The following FLT4 variants were observed in gnomAD, a reference collection of about 807,000 sequenced individuals.
The protein encoded by FLT4 is fms related receptor tyrosine kinase 4.
Under a neutral mutation model 163.2 loss-of-function variants are expected in FLT4, and 30 were observed. The ratio of observed to expected loss-of-function variants is 0.18; its 90% confidence interval spans 0.14 to 0.25. The LOEUF (loss-of-function observed/expected upper bound fraction) is 0.25, where lower values mean the gene tolerates loss of function less well. Among genes scored for constraint, FLT4 ranks in the 10% least tolerant of loss-of-function variants. The probability of loss-of-function intolerance (pLI) is 1.00; values close to 1 mark genes in which losing one functional copy is unlikely to be tolerated. For synonymous variants in FLT4, 884 were observed against 789.5 expected, an observed-to-expected ratio of 1.12 and a Z score of -2.01; for missense variants, 1,510 against 1,863.8, an observed-to-expected ratio of 0.81 and a Z score of 3.50.
chr5:180,642,722 C>A (rs1765220381), intron 1 of FLT4, among the ~76,000 whole-genome samples: 1 of 152,200 alleles, frequency 6.6e-6, no homozygotes, highest in Non-Finnish European at 1.5e-5. Context: ...CACAACTGTG[C>A]ACCCGCCAGA....
intron 1 of FLT4, among the ~76,000 whole-genome samples, chr5:180,640,997 C>T (rs143633662): frequency 5.9e-5 from 9 of 152,120 alleles, no homozygotes; most frequent in Admixed American, 1.3e-4. Context: ...GTGAAGGGGC[C>T]GGCATGAGAG....
chr5:180,625,774 A>T (rs1763552790), intron 10 of FLT4, 95 bp downstream of exon 10: 14 of 1,156,130 alleles, frequency 1.2e-5, no homozygotes, highest in Non-Finnish European at 1.7e-5. Context: ...TACAGGGAAG[A>T]CCTGGGCAGT....
chr5:180,621,289 G>A (rs1179391229), intron 13 of FLT4, 37 bp from the exon 14 acceptor site: 2 of 1,592,480 alleles, frequency 1.3e-6, no homozygotes, highest in Non-Finnish European at 1.7e-6. Flanking sequence ...AAGTGGAGCT[G>A]CACTTAGCAG....
chr5:180,630,375 G>T lies in FLT4; in HGVS notation c.401-38C>A. On this transcript the variant is annotated intron_variant, in intron 3 of 29. Coordinates refer to ENST00000261937, the MANE Select transcript of FLT4 (RefSeq NM_182925.5). The surrounding 1 kb of genome is among the most constrained non-coding windows in gnomAD (Gnocchi z 6.3). ...AGCAAGCTGTTGGGGAAGGGACGTG[G>T]CGGCCAGGCTGGGGGAGGGCTCCAC... The T allele has an allele frequency of 6.3e-7, 1 of 1,589,238 alleles. No homozygotes were observed. Among genetic ancestry groups the T allele is most frequent in the Non-Finnish European group, 8.6e-7 (1 of 1,167,350 alleles).
In FLT4 at chr5:180,602,131, C is replaced by T. The variant is rs1308990903; in HGVS notation, c.*1061G>A. The T allele has an allele frequency of 4.3e-6, 1 of 233,804 alleles. No individual in the cohort carries two copies. Among genetic ancestry groups the T allele is most frequent in the Non-Finnish European group, 8.4e-6 (1 of 118,550 alleles). 14.5% of individuals were successfully genotyped at this position (233,804 alleles called of 1,614,324 possible). Reference sequence around the variant, plus strand: ...GCAGGAAAAGGCTGAAGGCAGGTCCCCAGAATGTCCACTGAGTGCTGGGTG... The same window carrying T: ...GCAGGAAAAGGCTGAAGGCAGGTCCTCAGAATGTCCACTGAGTGCTGGGTG... On this transcript the variant is annotated 3_prime_UTR_variant, in exon 30 of 30. Transcript: ENST00000261937.
rs1763081992 is a variant in FLT4 at position 180,620,818 on chromosome 5, CA to C, written c.2299+57del. The C allele has an allele frequency of 6.2e-7, 1 of 1,609,028 alleles. No individual in the cohort carries two copies. Among genetic ancestry groups the C allele is most frequent in the Admixed American group, 1.7e-5 (1 of 59,532 alleles). ...GGCCACGACTTGCCCAAGGTGGCCACAAGAAAGCGTTAACTGGGGACGGGAA... is the reference window on the plus strand; with the variant it reads ...GGCCACGACTTGCCCAAGGTGGCCACAGAAAGCGTTAACTGGGGACGGGAA... On this transcript the variant is annotated intron_variant, in intron 15 of 29. Coordinates refer to ENST00000261937, the MANE Select transcript of FLT4 (RefSeq NM_182925.5). The surrounding 1 kb of genome is among the most constrained non-coding windows in gnomAD (Gnocchi z 4.4).
chr5:180,632,080 G>A (rs933758106), intron 1 of FLT4, among the ~76,000 whole-genome samples: 18 of 152,176 alleles, frequency 1.2e-4, no homozygotes, highest in East Asian at 5.8e-4. Flanking sequence ...TGAGCTGAGC[G>A]GCTGGCATGA....
intron 1 of FLT4, among the ~76,000 whole-genome samples, chr5:180,646,851 C>T (rs753015929): frequency 1.2e-4 from 19 of 152,234 alleles, no homozygotes; most frequent in Non-Finnish European, 2.2e-4. Context: ...CGTACCCTGT[C>T]TGGGCCCAGC....
chr5:180,623,888 T>G lies in FLT4; in HGVS notation c.1548+47A>C, dbSNP rs887701931. On this transcript the variant is annotated intron_variant, in intron 11 of 29. Transcript: ENST00000261937. This position sits in a 1 kb window ranked among gnomAD's most constrained non-coding sequence, Gnocchi z 5.8. ...CATGGCAGTAATGGCCTCTCTCTCC[T>G]CCCTTCTCCTTCTCCCTGGGCACTC... 3.1e-6 allele frequency: 5 copies of G among 1,610,980 alleles called. No individual in the cohort carries two copies. The highest frequency in any genetic ancestry group is 1.7e-5 in the Admixed American group (1 of 59,992).
rs1183770233 is a variant in FLT4 at position 180,623,385 on chromosome 5, A to G, written c.1549-546T>C. ...GGCCTCAGGGAGTAGGAAGCCTGAG[A>G]CACAGGGGAGGAGAGAGGGCCACAG... is the stretch of plus-strand genomic sequence containing the variant. On this transcript the variant is annotated intron_variant, in intron 11 of 29. Coordinates refer to ENST00000261937, the MANE Select transcript of FLT4 (RefSeq NM_182925.5). The surrounding 1 kb of genome is among the most constrained non-coding windows in gnomAD (Gnocchi z 5.8). 6.6e-6 allele frequency among the ~76,000 whole-genome samples: 1 copy of G among 152,096 alleles called. No homozygotes were observed. Among genetic ancestry groups the G allele is most frequent in the Non-Finnish European group, 1.5e-5 (1 of 67,998 alleles).
At chr5:180,609,767 A>T in intron 28 of FLT4, 138 bp downstream of exon 28, 1 of 1,078,998 alleles carries the variant, frequency 9.3e-7, no homozygotes, top group Non-Finnish European at 1.4e-6. Flanking sequence ...AATGTGCCCA[A>T]GGCTCACCCT....
chr5:180,637,192 C>T (rs547063223), intron 1 of FLT4, among the ~76,000 whole-genome samples: 40 of 151,870 alleles, frequency 2.6e-4, no homozygotes, highest in East Asian at 5.8e-4. Flanking sequence ...TAGCCGGGCA[C>T]GGTGGTGGGT....
rs1036522796 is a variant in FLT4 at position 180,607,719 on chromosome 5, TAGAG to T, written c.3893+1245_3893+1248del. On this transcript the variant is annotated intron_variant, in intron 29 of 29. Transcript: ENST00000261937. ...AAGAATAGTCATAATACAAATTAGA[TAGAG>T]AGATGATCATGGACATTATCAGTCA... 3.1e-3 allele frequency among the ~76,000 whole-genome samples: 475 copies of T among 151,694 alleles called. 3 individuals are homozygous for T. Among genetic ancestry groups the T allele is most frequent in the African/African-American group, 0.011 (453 of 41,334 alleles).
chr5:180,623,275 C>T lies in FLT4; in HGVS notation c.1549-436G>A, dbSNP rs1040335216. Among the ~76,000 whole-genome samples, 3 of 152,128 alleles carry T rather than the reference C, an allele frequency of 2.0e-5. No individual in the cohort carries two copies. Among genetic ancestry groups the T allele is most frequent in the Admixed American group, 1.3e-4 (2 of 15,276 alleles). ...GCTTGCTGAGATCCTCGTGAGATGGCCTCCTCAGCCCAGAACTGTCCTCAG... is the reference window on the plus strand; with the variant it reads ...GCTTGCTGAGATCCTCGTGAGATGGTCTCCTCAGCCCAGAACTGTCCTCAG... On this transcript the variant is annotated intron_variant, in intron 11 of 29. Coordinates refer to ENST00000261937, the MANE Select transcript of FLT4 (RefSeq NM_182925.5). The surrounding 1 kb of genome is among the most constrained non-coding windows in gnomAD (Gnocchi z 5.8).
At chr5:180,617,203 C>A (rs1165293177) in intron 21 of FLT4, among the ~76,000 whole-genome samples, 1 of 46,770 alleles carries the variant, frequency 2.1e-5, no homozygotes, top group African/African-American at 8.2e-5. Flanking sequence ...TGCCCCTCAG[C>A]CTCTGGGACA....
rs1053170903 is a variant in FLT4 at position 180,636,959 on chromosome 5, G to T, written c.59-5181C>A. On this transcript the variant is annotated intron_variant, in intron 1 of 29. Transcript: ENST00000261937. This position sits in a 1 kb window ranked among gnomAD's most constrained non-coding sequence, Gnocchi z 4.3. Reference sequence around the variant, plus strand: ...AACAGCACAACACTGGCAGCACAAGGCCCCCACAGGAGCTCCTCCCCCCCA... The same window carrying T: ...AACAGCACAACACTGGCAGCACAAGTCCCCCACAGGAGCTCCTCCCCCCCA... Among the ~76,000 whole-genome samples, 72 of 151,864 alleles carry T rather than the reference G, an allele frequency of 4.7e-4. No homozygotes were observed. Among genetic ancestry groups the T allele is most frequent in the Non-Finnish European group, 8.7e-4 (59 of 67,980 alleles).
chr5:180,621,585 G>A lies in FLT4; in HGVS notation c.1977C>T (p.Arg659=). 1 of 1,611,836 alleles carries A rather than the reference G, an allele frequency of 6.2e-7. No individual in the cohort carries two copies. The highest frequency in any genetic ancestry group is 8.5e-7 in the Non-Finnish European group (1 of 1,179,334). ...GHYVCEVQDR[R]SHDKHCHKKY... ...TCTTGTGGCAGTGCTTGTCATGGCT[G>A]CGCCGGTCTTGCACTTCGCACACAT... Residue 659 remains arginine, a synonymous_variant, in exon 13 of 30, where the codon CGC becomes CGT. Transcript: ENST00000261937.
chr5:180,620,270 G>C lies in FLT4; in HGVS notation c.2445C>G (p.Ile815Met). The change falls in exon 17 of 30, where the codon ATC becomes ATG. Residue 815 changes from isoleucine to methionine, a missense_variant. Coordinates refer to ENST00000261937, the MANE Select transcript of FLT4 (RefSeq NM_182925.5). The surrounding 1 kb of genome is among the most constrained non-coding windows in gnomAD (Gnocchi z 4.4). ...GAGGCACCTCCCCGGGGTCCATGAT[G>C]ATGGACAGGTAGCCCGTCTTGATGT... ...HADIKTGYLSIIMDPGEVPLE... is the reference protein window; with the variant it reads ...HADIKTGYLSMIMDPGEVPLE... 1 of 1,612,170 alleles carries C rather than the reference G, an allele frequency of 6.2e-7. No homozygotes were observed.
chr5:180,629,461 G>T, intron 6 of FLT4, 34 bp from the exon 7 acceptor site: 1 of 1,606,916 alleles, frequency 6.2e-7, no homozygotes. Context: ...GCGTCAGCAG[G>T]CGGGCTCCTG....
Sources: allele counts gnomAD v4.1 joint callset (sites outside exome capture counted in the v4.1 genomes callset), GRCh38; gene constraint gnomAD v4.1.1; non-coding constraint Gnocchi (gnomAD v3.1); transcripts MANE v1.5; gene names NCBI Gene and HGNC (gene_info 2026-07-23, HGNC 2026-07-21).